NTM: variants seen among roughly 807,000 people sequenced by gnomAD.
The protein encoded by NTM is neurotrimin.
Under a neutral mutation model 42.1 loss-of-function variants are expected in NTM, and 13 were observed. That is an observed-to-expected ratio of 0.31 (90% confidence interval 0.20 to 0.49). The LOEUF (loss-of-function observed/expected upper bound fraction) is 0.49. Among genes scored for constraint, NTM ranks in the 20% least tolerant of loss-of-function variants. NTM has a pLI of 0.99. For synonymous variants in NTM, 187 were observed against 179.2 expected (o/e 1.04, Z -0.35); for missense variants, 373 against 452.8 (o/e 0.82, Z 1.60).
Position 131,974,268 on chromosome 11 carries a change from A to G in NTM, c.167+62620A>G, listed in dbSNP as rs563989807. Among the ~76,000 whole-genome samples, 15 of 152,330 alleles carry G rather than the reference A, an allele frequency of 9.8e-5. No individual in the cohort carries two copies. The East Asian group carries it at 2.5e-3, about 25-fold the overall frequency. ...TGGAACCCTAACTCCTGAGTTGTTC[A>G]AGGAACATCTGTGTTCAAATGAATG... On this transcript the variant is annotated intron_variant, in intron 2 of 8. Coordinates refer to ENST00000683400, the MANE Select transcript of NTM (RefSeq NM_001352005.2).
chr11:132,154,677 A>C (rs2072772076), intron 3 of NTM, among the ~76,000 whole-genome samples: 1 of 152,178 alleles, frequency 6.6e-6, no homozygotes. Context: ...GCAGCCTCCT[A>C]CCTGAGAGTC....
At chr11:132,263,946 G>T (rs1001270011) in intron 4 of NTM, among the ~76,000 whole-genome samples, 15 of 152,316 alleles carry the variant, frequency 9.8e-5, no homozygotes, top group African/African-American at 3.4e-4. Flanking sequence ...GAAGATGGAA[G>T]CTTTCTCTCC....
At chr11:131,750,937 C>T (rs147021264) in intron 1 of NTM, among the ~76,000 whole-genome samples, 2 of 152,128 alleles carry the variant, frequency 1.3e-5, no homozygotes, top group African/African-American at 2.4e-5. Flanking sequence ...ATCCCAGGGG[C>T]CTGCATCCAG....
intron 3 of NTM, among the ~76,000 whole-genome samples, chr11:132,198,286 G>C (rs970154491): frequency 1.3e-5 from 2 of 152,172 alleles, no homozygotes; most frequent in African/African-American, 4.8e-5. Context: ...GCTCACTGCA[G>C]CCTCAACTTC....
At chr11:132,127,726 C>T (rs1390603719) in intron 2 of NTM, among the ~76,000 whole-genome samples, 4 of 152,210 alleles carry the variant, frequency 2.6e-5, no homozygotes, top group African/African-American at 7.2e-5. Context: ...CTCTGCTCTC[C>T]GATTTATTGC....
intron 1 of NTM, among the ~76,000 whole-genome samples, chr11:131,548,387 A>T (rs1461785946): frequency 2.0e-5 from 3 of 152,088 alleles, no homozygotes; most frequent in African/African-American, 7.2e-5. Flanking sequence ...AAAAATTATT[A>T]TTTTTTTAAA....
chr11:131,885,996 A>G (rs2050328663), intron 1 of NTM, among the ~76,000 whole-genome samples: 1 of 152,130 alleles, frequency 6.6e-6, no homozygotes, highest in African/African-American at 2.4e-5. Flanking sequence ...AATACCTGGA[A>G]GATTAAGCAC....
chr11:131,941,717 A>C (rs1197024466), intron 2 of NTM, among the ~76,000 whole-genome samples: 2 of 152,242 alleles, frequency 1.3e-5, no homozygotes, highest in African/African-American at 2.4e-5. Context: ...ACAGCTCAGT[A>C]AAAATGGACT....
At chr11:131,566,596 C>T (rs1321156478) in intron 1 of NTM, among the ~76,000 whole-genome samples, 1 of 152,168 alleles carries the variant, frequency 6.6e-6, no homozygotes, top group Non-Finnish European at 1.5e-5. Flanking sequence ...TTGAGCCACC[C>T]GTGCCAACTC....
At chr11:131,968,441 C>T (rs531562320) in intron 2 of NTM, among the ~76,000 whole-genome samples, 4 of 152,266 alleles carry the variant, frequency 2.6e-5, no homozygotes, top group African/African-American at 9.6e-5. Flanking sequence ...GTTTCTTAAA[C>T]ATATTAAGGT....
At chr11:131,618,218 G>A (rs761465548) in intron 1 of NTM, among the ~76,000 whole-genome samples, 59 of 152,214 alleles carry the variant, frequency 3.9e-4, no homozygotes, top group Non-Finnish European at 6.8e-4. Flanking sequence ...GGCCTCCAGA[G>A]GTTGCTTAGT....
chr11:131,439,401 C>T (rs1371570458), intron 1 of NTM, among the ~76,000 whole-genome samples: 2 of 152,210 alleles, frequency 1.3e-5, no homozygotes, highest in African/African-American at 2.4e-5. Context: ...TCAGCTATGC[C>T]CTACCCACAA....
chr11:131,490,077 C>T (rs1954616499), intron 1 of NTM, among the ~76,000 whole-genome samples: 1 of 152,152 alleles, frequency 6.6e-6, no homozygotes, highest in Non-Finnish European at 1.5e-5. Flanking sequence ...AGGTGCCAGT[C>T]TCTTTCTAAC....
chr11:132,330,261 C>T lies in NTM; in HGVS notation c.967+76C>T, dbSNP rs372059416. ...AAACTCTTCACCTTCCTCCCAGATG[C>T]CTTCTTTCCTGAGCTAACTCCAGGA... On this transcript the variant is annotated intron_variant, in intron 8 of 8. Transcript: ENST00000683400. 20 of 1,495,418 alleles carry T rather than the reference C, an allele frequency of 1.3e-5. No homozygotes were observed. The African/African-American group carries it at 2.8e-4, about 21-fold the overall frequency. 92.6% of individuals were successfully genotyped at this position (1,495,418 alleles called of 1,614,324 possible).
intron 1 of NTM, among the ~76,000 whole-genome samples, chr11:131,410,124 G>A (rs1035052668): frequency 1.1e-4 from 16 of 152,184 alleles, no homozygotes; most frequent in African/African-American, 3.1e-4. Flanking sequence ...CAGAGAAAAC[G>A]TCCTATTGGG....
chr11:132,166,762 T>C (rs542757242), intron 3 of NTM, among the ~76,000 whole-genome samples: 1 of 152,314 alleles, frequency 6.6e-6, no homozygotes, highest in African/African-American at 2.4e-5. Context: ...GTCTGGCACA[T>C]GTCATAAGAT....
chr11:131,558,374 T>C (rs916832893), intron 1 of NTM, among the ~76,000 whole-genome samples: 2 of 152,104 alleles, frequency 1.3e-5, no homozygotes, highest in African/African-American at 4.8e-5. Context: ...ATGATTCAGA[T>C]TGTCAGGGAA....
At chr11:131,588,852 T>C (rs970616526) in intron 1 of NTM, among the ~76,000 whole-genome samples, 6 of 152,332 alleles carry the variant, frequency 3.9e-5, no homozygotes, top group Middle Eastern at 3.4e-3. Context: ...CATTAACTGC[T>C]TGATGATTCT....
chr11:131,416,888 T>C (rs971904471), intron 1 of NTM, among the ~76,000 whole-genome samples: 23 of 152,352 alleles, frequency 1.5e-4, no homozygotes, highest in Non-Finnish European at 2.8e-4. Context: ...GTTCTCATTA[T>C]ATCCTTTTCT....
Sources: allele counts gnomAD v4.1 joint callset (sites outside exome capture counted in the v4.1 genomes callset), GRCh38; gene constraint gnomAD v4.1.1; transcripts MANE v1.5; gene names NCBI Gene and HGNC (gene_info 2026-07-23, HGNC 2026-07-21).